HS6ST3: variants seen among roughly 807,000 people sequenced by gnomAD.
HS6ST3 encodes the protein heparan-sulfate 6-O-sulfotransferase 3.
HS6ST3 carries 12 observed loss-of-function variants against 36.7 expected under a neutral mutation model. The observed-to-expected ratio is 0.33, with a 90% confidence interval of 0.21 to 0.53. HS6ST3 has a LOEUF of 0.53. Among genes scored for constraint, HS6ST3 ranks in the 20% least tolerant of loss-of-function variants. The probability of loss-of-function intolerance (pLI) is 0.95; values close to 1 mark genes in which losing one functional copy is unlikely to be tolerated. For synonymous variants in HS6ST3, 240 were observed against 257.5 expected, an observed-to-expected ratio of 0.93 and a Z score of 0.65; for missense variants, 584 against 640.9, an observed-to-expected ratio of 0.91 and a Z score of 0.96.
intron 1 of HS6ST3, among the ~76,000 whole-genome samples, chr13:96,410,072 C>T (rs1270857196): frequency 6.6e-6 from 1 of 152,052 alleles, no homozygotes; most frequent in African/African-American, 2.4e-5. Context: ...TGGAGAAAGA[C>T]ATTCTATATA....
At chr13:96,359,161 G>C (rs2055224935) in intron 1 of HS6ST3, among the ~76,000 whole-genome samples, 2 of 152,054 alleles carry the variant, frequency 1.3e-5, no homozygotes. Context: ...CTTGGGAAAG[G>C]CCTAACTCGG....
intron 1 of HS6ST3, among the ~76,000 whole-genome samples, chr13:96,822,719 T>C (rs1477672872): frequency 1.3e-5 from 2 of 152,212 alleles, no homozygotes; most frequent in Admixed American, 1.3e-4. Context: ...TTGTATAATA[T>C]GTGTCTTCCC....
chr13:96,342,264 G>C (rs2055134676), intron 1 of HS6ST3, among the ~76,000 whole-genome samples: 1 of 152,110 alleles, frequency 6.6e-6, no homozygotes, highest in African/African-American at 2.4e-5. Flanking sequence ...ATGTCAGTTT[G>C]TGTTTCTTTG....
At chr13:96,822,085 G>A (rs1467553317) in intron 1 of HS6ST3, among the ~76,000 whole-genome samples, 1 of 152,176 alleles carries the variant, frequency 6.6e-6, no homozygotes, top group Non-Finnish European at 1.5e-5. Flanking sequence ...GCTAAGACGA[G>A]AGCATGGCTG....
At chr13:96,568,640 A>G (rs796722762) in intron 1 of HS6ST3, among the ~76,000 whole-genome samples, 22 of 152,364 alleles carry the variant, frequency 1.4e-4, no homozygotes, top group African/African-American at 5.1e-4. Context: ...CATAATGAAC[A>G]TAATGAAATA....
At chr13:96,667,137 C>T (rs1328720468) in intron 1 of HS6ST3, among the ~76,000 whole-genome samples, 2 of 152,036 alleles carry the variant, frequency 1.3e-5, no homozygotes, top group Admixed American at 6.6e-5. Flanking sequence ...TTTGCTAATG[C>T]AAAATTCTAT....
rs181157613 is a variant in HS6ST3, at chr13:96,404,324, A to G, written c.707+312755A>G. Among the ~76,000 whole-genome samples the G allele has an allele frequency of 2.6e-4, 39 of 152,320 alleles. 1 individual carries two copies. Among genetic ancestry groups the G allele is most frequent in the Admixed American group, 1.8e-3 (27 of 15,298 alleles). ...AGGACACAATTTAGTGCAATACTGTATGACCCAAAATTGTTAAGGTAGTTG... is the reference window on the plus strand; with the variant it reads ...AGGACACAATTTAGTGCAATACTGTGTGACCCAAAATTGTTAAGGTAGTTG... On this transcript the variant is annotated intron_variant, in intron 1 of 1. Transcript: ENST00000376705.
At chr13:96,250,154 C>T (rs1007737397) in intron 1 of HS6ST3, among the ~76,000 whole-genome samples, 1 of 152,104 alleles carries the variant, frequency 6.6e-6, no homozygotes, top group Non-Finnish European at 1.5e-5. Flanking sequence ...AAGCTGTATA[C>T]CATGTCTGGT....
At chr13:96,358,470 G>A (rs992826322) in intron 1 of HS6ST3, among the ~76,000 whole-genome samples, 4 of 152,010 alleles carry the variant, frequency 2.6e-5, no homozygotes, top group African/African-American at 9.7e-5. Context: ...GAAACAATCA[G>A]GCAAATGCAG....
chr13:96,264,268 C>T (rs1273842959), intron 1 of HS6ST3, among the ~76,000 whole-genome samples: 1 of 152,122 alleles, frequency 6.6e-6, no homozygotes, highest in Admixed American at 6.6e-5. Context: ...AGAAGAGGTA[C>T]TGAAGTGAGG....
intron 1 of HS6ST3, among the ~76,000 whole-genome samples, chr13:96,634,507 A>C (rs913275698): frequency 1.3e-5 from 2 of 152,190 alleles, no homozygotes; most frequent in Non-Finnish European, 1.5e-5. Flanking sequence ...AGTCTCCTCC[A>C]TTCATTCATT....
intron 1 of HS6ST3, among the ~76,000 whole-genome samples, chr13:96,826,880 A>G (rs965639123): frequency 3.3e-5 from 5 of 152,164 alleles, no homozygotes; most frequent in African/African-American, 1.2e-4. Context: ...CTCATTCCCT[A>G]ATCTTTCTCA....
chr13:96,145,897 T>C (rs1368019755), intron 1 of HS6ST3, among the ~76,000 whole-genome samples: 1 of 152,210 alleles, frequency 6.6e-6, no homozygotes, highest in Non-Finnish European at 1.5e-5. Context: ...CCAGCACCAT[T>C]TATTAAATAG....
At chr13:96,513,284 G>A (rs1010061184) in intron 1 of HS6ST3, among the ~76,000 whole-genome samples, 3 of 151,262 alleles carry the variant, frequency 2.0e-5, no homozygotes, top group Admixed American at 6.6e-5. Flanking sequence ...TTTCTGGGGC[G>A]AGATCTAAAG....
chr13:96,534,424 T>A (rs999218448), intron 1 of HS6ST3, among the ~76,000 whole-genome samples: 1 of 152,250 alleles, frequency 6.6e-6, no homozygotes, highest in African/African-American at 2.4e-5. Context: ...TTTATATGTC[T>A]CAGTTTTAAA....
rs934937267 is a variant in HS6ST3 at position 96,442,115 on chromosome 13, G to A, written c.707+350546G>A. ...TGGCTCGTTGCAGCCTTGACCTCCC[G>A]TGTTCAGGTGATCCTCCCACCTCAG... On this transcript the variant is annotated intron_variant, in intron 1 of 1. Transcript: ENST00000376705. Among the ~76,000 whole-genome samples the A allele has an allele frequency of 1.5e-4, 23 of 151,352 alleles. 1 individual carries two copies. The highest frequency in any genetic ancestry group is 6.3e-3 in the Middle Eastern group (2 of 316).
intron 1 of HS6ST3, among the ~76,000 whole-genome samples, chr13:96,652,616 T>C (rs1170816239): frequency 6.6e-6 from 1 of 152,104 alleles, no homozygotes; most frequent in Non-Finnish European, 1.5e-5. Context: ...AAGCACCTCA[T>C]CTGTTTGTTC....
chr13:96,227,807 A>G (rs1303684917), intron 1 of HS6ST3, among the ~76,000 whole-genome samples: 1 of 152,192 alleles, frequency 6.6e-6, no homozygotes, highest in African/African-American at 2.4e-5. Flanking sequence ...ATGCTTCTTC[A>G]TGATTGTTGG....
chr13:96,580,534 C>T (rs920950782), intron 1 of HS6ST3, among the ~76,000 whole-genome samples: 3 of 151,946 alleles, frequency 2.0e-5, no homozygotes, highest in Non-Finnish European at 4.4e-5. Flanking sequence ...TAATCCCTAC[C>T]GTGAGTGACT....
Sources: allele counts gnomAD v4.1 joint callset (sites outside exome capture counted in the v4.1 genomes callset), GRCh38; gene constraint gnomAD v4.1.1; transcripts MANE v1.5; gene names NCBI Gene and HGNC (gene_info 2026-07-23, HGNC 2026-07-21).